The following KCNAB1 variants were observed in gnomAD, a reference collection of about 807,000 sequenced individuals.
The protein encoded by KCNAB1 is voltage-gated potassium channel subunit beta-1.
Under a neutral mutation model 64.6 loss-of-function variants are expected in KCNAB1, and 35 were observed. That is an observed-to-expected ratio of 0.54 (90% confidence interval 0.41 to 0.72). The LOEUF (loss-of-function observed/expected upper bound fraction) is 0.72. Ranked by LOEUF, KCNAB1 falls within the 30% of genes least tolerant of loss-of-function variation. KCNAB1 has a pLI of 0.00. For missense variants in KCNAB1, 401 were observed against 512.9 expected (o/e 0.78, Z 2.11); for synonymous variants, 177 against 183.8 (o/e 0.96, Z 0.30).
At chr3:156,136,915 A>G (rs147200353) in intron 1 of KCNAB1, among the ~76,000 whole-genome samples, 12 of 152,378 alleles carry the variant, frequency 7.9e-5, no homozygotes, top group Non-Finnish European at 1.3e-4. Flanking sequence ...CTGTGGGACC[A>G]ATGCAGAATA....
chr3:156,197,648 C>G (rs1025073316), intron 1 of KCNAB1, among the ~76,000 whole-genome samples: 10 of 152,118 alleles, frequency 6.6e-5, no homozygotes, highest in Non-Finnish European at 1.3e-4. Flanking sequence ...GTGATATCCC[C>G]TTTATCATTT....
chr3:156,138,253 A>G (rs887952562), intron 1 of KCNAB1, among the ~76,000 whole-genome samples: 1 of 152,232 alleles, frequency 6.6e-6, no homozygotes, highest in Non-Finnish European at 1.5e-5. Flanking sequence ...TCACAGCATC[A>G]CCTGCAGAGC....
At chr3:156,483,234 A>C (rs1051903407) in intron 8 of KCNAB1, among the ~76,000 whole-genome samples, 2 of 152,122 alleles carry the variant, frequency 1.3e-5, no homozygotes, top group Admixed American at 1.3e-4. Flanking sequence ...TTGGAAAGAC[A>C]CAGGGACAAG....
chr3:156,267,550 G>A (rs4680253), intron 1 of KCNAB1, among the ~76,000 whole-genome samples: 66,903 of 151,898 alleles, frequency 0.44, 16,118 homozygotes, highest in East Asian at 0.77. Flanking sequence ...TATGTACATT[G>A]TTTTGCATCA....
intron 1 of KCNAB1, among the ~76,000 whole-genome samples, chr3:156,368,076 G>C (rs527895847): frequency 2.0e-5 from 3 of 152,150 alleles, no homozygotes; most frequent in African/African-American, 7.2e-5. Context: ...AATGGATAAG[G>C]TTGCCAAATT....
At chr3:156,442,997 A>T (rs1307484189) in intron 2 of KCNAB1, among the ~76,000 whole-genome samples, 4 of 152,200 alleles carry the variant, frequency 2.6e-5, no homozygotes, top group Admixed American at 2.6e-4. Flanking sequence ...GGAGTTCTTC[A>T]TCTAGACAGC....
chr3:156,419,072 T>C (rs1207309398), intron 1 of KCNAB1, among the ~76,000 whole-genome samples: 2 of 152,208 alleles, frequency 1.3e-5, no homozygotes, highest in African/African-American at 4.8e-5. Context: ...ATGTTTGGTC[T>C]TCAAAACCCA....
intron 1 of KCNAB1, among the ~76,000 whole-genome samples, chr3:156,338,236 A>C (rs1277356016): frequency 6.9e-6 from 1 of 143,890 alleles, no homozygotes; most frequent in Admixed American, 7.2e-5. Context: ...TCTTCCTTTT[A>C]GGTTGAAAAC....
At chr3:156,190,341 C>A (rs1713484710) in intron 1 of KCNAB1, among the ~76,000 whole-genome samples, 2 of 151,898 alleles carry the variant, frequency 1.3e-5, no homozygotes, top group Non-Finnish European at 2.9e-5. Flanking sequence ...ACATAAAAAA[C>A]TTAGCTCTAA....
chr3:156,365,375 C>T (rs559400802), intron 1 of KCNAB1, among the ~76,000 whole-genome samples: 1 of 152,100 alleles, frequency 6.6e-6, no homozygotes, highest in African/African-American at 2.4e-5. Context: ...TTCTGTATGG[C>T]GTAGACGTGC....
chr3:156,308,014 G>T (rs1227443572), intron 1 of KCNAB1, among the ~76,000 whole-genome samples: 1 of 152,218 alleles, frequency 6.6e-6, no homozygotes, highest in Non-Finnish European at 1.5e-5. Context: ...AGGAGAAAAA[G>T]AAACAAGTAA....
At chr3:156,440,522 A>C (rs1243073591) in intron 2 of KCNAB1, among the ~76,000 whole-genome samples, 1 of 152,232 alleles carries the variant, frequency 6.6e-6, no homozygotes, top group Non-Finnish European at 1.5e-5. Flanking sequence ...GACTAAGTGC[A>C]ATCTCCCAAG....
At chr3:156,268,553 T>C (rs1329828041) in intron 1 of KCNAB1, among the ~76,000 whole-genome samples, 1 of 152,214 alleles carries the variant, frequency 6.6e-6, no homozygotes, top group Non-Finnish European at 1.5e-5. Flanking sequence ...ATCTTTTGGA[T>C]AAAAGCCATT....
At chr3:156,231,856 A>T (rs1325947655) in intron 1 of KCNAB1, among the ~76,000 whole-genome samples, 1 of 152,008 alleles carries the variant, frequency 6.6e-6, no homozygotes, top group Non-Finnish European at 1.5e-5. Context: ...GTATTTCTTA[A>T]ATGTATTTGA....
chr3:156,415,583 C>G (rs1273692160), intron 1 of KCNAB1, among the ~76,000 whole-genome samples: 2 of 152,290 alleles, frequency 1.3e-5, no homozygotes, highest in East Asian at 3.9e-4. Context: ...CGCTCTATCT[C>G]ATGGCAGACT....
rs145578575 is a variant in KCNAB1 at position 156,129,727 on chromosome 3, T to C, written c.275+8841T>C. 5.5e-3 allele frequency among the ~76,000 whole-genome samples: 841 copies of C among 152,358 alleles called. 7 individuals carry two copies. The highest frequency in any genetic ancestry group is 0.019 in the African/African-American group (790 of 41,578). ...AAAAGCCATAATTACTATTCCCCTT[T>C]GAAGTGCCATCAGGCCATCTGTTAT... On this transcript the variant is annotated intron_variant, in intron 1 of 13. Coordinates refer to ENST00000490337, the MANE Select transcript of KCNAB1 (RefSeq NM_172160.3).
intron 1 of KCNAB1, among the ~76,000 whole-genome samples, chr3:156,418,611 T>C (rs2108221455): frequency 6.6e-6 from 1 of 152,262 alleles, no homozygotes; most frequent in South Asian, 2.1e-4. Flanking sequence ...GAATTGGAGG[T>C]AGCTAGTTCC....
At chr3:156,291,021 C>T (rs1362185733) in intron 1 of KCNAB1, 1 of 985,710 alleles carries the variant, frequency 1.0e-6, no homozygotes, top group Non-Finnish European at 1.2e-6. Context: ...TAAGCACCCC[C>T]TCTCTGCCTT....
At chr3:156,453,010 C>CT in intron 3 of KCNAB1, 74 bp downstream of exon 3, 6 of 957,838 alleles carry the variant, frequency 6.3e-6, no homozygotes, top group African/African-American at 1.6e-5. Context: ...AGTCCTCTTC[C>CT]TGGGACCCTG....
Sources: gnomAD v4.1 joint callset for allele counts (sites outside exome capture counted in the v4.1 genomes callset) on GRCh38, gnomAD v4.1.1 for gene constraint, MANE v1.5 for transcripts, NCBI Gene and HGNC (gene_info 2026-07-23, HGNC 2026-07-21) for gene names.